IRX6: variants seen among roughly 807,000 people sequenced by gnomAD.
The protein encoded by IRX6 is iroquois-class homeodomain protein IRX-6.
In IRX6, 46 loss-of-function variants were observed where a neutral mutation model predicts 47.7. That is an observed-to-expected ratio of 0.96 (90% confidence interval 0.76 to 1.23). The LOEUF is 1.23. Ranked by LOEUF, IRX6 falls within the 50% of genes most tolerant of loss-of-function variation. The pLI is 0.00. For missense variants in IRX6, 722 were observed against 588.0 expected (o/e 1.23, Z -2.36); for synonymous variants, 265 against 246.2 (o/e 1.08, Z -0.72).
chr16:55,328,761 A>AGAC lies in IRX6; in HGVS notation c.785_786insCGA (p.Glu261_Glu262insAsp), dbSNP rs1555484312. The AGAC allele has an allele frequency of 1.2e-6, 2 of 1,607,992 alleles. No homozygotes were observed. The highest frequency in any genetic ancestry group is 2.7e-5 in the African/African-American group (2 of 74,796). ...TGAGTGACCTGGAAGACCTGGAGGAAGAGGAGGAGGAGGAGGAGGAAGCTG... is the reference window on the plus strand; with the variant it reads ...TGAGTGACCTGGAAGACCTGGAGGAAGACGAGGAGGAGGAGGAGGAGGAAGCTG... On this transcript the variant is annotated inframe_insertion, in exon 5 of 6. Transcript: ENST00000290552.
Position 55,328,694 on chromosome 16 carries a change from C to T in IRX6, c.722-6C>T. 1 of 1,612,236 alleles carries T rather than the reference C, an allele frequency of 6.2e-7. No individual in the cohort carries two copies. The highest frequency in any genetic ancestry group is 8.5e-7 in the Non-Finnish European group (1 of 1,179,438). On this transcript the variant is annotated splice_polypyrimidine_tract_variant and splice_region_variant and intron_variant, in intron 4 of 5. Coordinates refer to ENST00000290552, the MANE Select transcript of IRX6 (RefSeq NM_024335.3). ...GCTTTTCTCACTCGCTCTTGATTTC[C>T]TGCAGAAGTTACTGCTAGCCAGGAG...
In IRX6 at chr16:55,326,293, G is replaced by GT. The variant is rs760820783; in HGVS notation, c.46-43_46-42insT. ...AGCGGGAGCGGGGGCGGGGGTGGGG[G>GT]GGGGGTCTCTGACCTCCAGTGCCCT... On this transcript the variant is annotated intron_variant, in intron 1 of 5. Coordinates refer to ENST00000290552, the MANE Select transcript of IRX6 (RefSeq NM_024335.3). The GT allele has an allele frequency of 1.5e-3, 2,081 of 1,434,598 alleles. 23 individuals carry two copies. The African/African-American group carries it at 0.027, about 19-fold the overall frequency. The allele number at this position is 1,434,598 out of a possible 1,614,324, so 88.9% of individuals were successfully genotyped here. A position where few individuals can be genotyped will look rare whatever the true frequency, so the allele number is the denominator to read the frequency against.
chr16:55,329,151 A>T lies in IRX6; in HGVS notation c.1173A>T (p.Arg391=). ...IPGQPPASAR[R]LSVPRDSACD... is the part of the protein sequence containing the mutation. ...GACAGCCTCCTGCCTCTGCCCGGCG[A>T]CTCTCAGTCCCCAGAGACTCCGCGT... The change falls in exon 5 of 6, where the codon CGA becomes CGT. Residue 391 remains arginine (R), a synonymous_variant. Coordinates refer to ENST00000290552, the MANE Select transcript of IRX6 (RefSeq NM_024335.3). 1 of 1,613,098 alleles carries T rather than the reference A, an allele frequency of 6.2e-7. No homozygotes were observed.
intron 1 of IRX6, 48 bp from the exon 2 acceptor site, chr16:55,326,288 T>TGGG (rs767987070): frequency 3.3e-5 from 31 of 950,338 alleles, no homozygotes; most frequent in Middle Eastern, 7.1e-4. Context: ...GGGGCGGGGG[T>TGGG]GGGGGGGGGG....
chr16:55,329,339 T>G, intron 5 of IRX6, 28 bp downstream of exon 5: 1 of 1,572,438 alleles, frequency 6.4e-7, no homozygotes, highest in Non-Finnish European at 8.6e-7. Context: ...GCGCTGGGAG[T>G]ATCTATGCAA....
intron 1 of IRX6, 82 bp downstream of exon 1, chr16:55,325,218 T>A (rs1960489240): frequency 1.5e-6 from 2 of 1,328,610 alleles, no homozygotes; most frequent in African/African-American, 2.9e-5. Context: ...CTGATCATCC[T>A]CCTCTTGTGT....
rs1393516707 is a variant in IRX6 at position 55,329,086 on chromosome 16, C to G, written c.1108C>G (p.Arg370Gly). ...ASAVEGAPPA[R>G]PRPRSPECRM... is the part of the protein sequence containing the mutation. ...CGCTGTTGAAGGTGCACCCCCAGCC[C>G]GGCCTAGGCCACGAAGTCCTGAGTG... Residue 370 changes from arginine to glycine, a missense_variant, in exon 5 of 6, where the codon CGG (arginine) becomes GGG (glycine). Arg to Gly is a moderately radical substitution (Grantham distance 125, BLOSUM62 -2). Transcript: ENST00000290552. 1 of 1,613,980 alleles carries G rather than the reference C, an allele frequency of 6.2e-7. No homozygotes were observed. Among genetic ancestry groups the G allele is most frequent in the Non-Finnish European group, 8.5e-7 (1 of 1,180,050 alleles).
chr16:55,325,668 G>A (rs1481492083), intron 1 of IRX6: 1 of 153,222 alleles, frequency 6.5e-6, no homozygotes, highest in African/African-American at 2.4e-5. Context: ...TTGTTGATTT[G>A]TTGACCTCGG....
At chr16:55,327,485 G>C (rs1960552693) in intron 3 of IRX6, 80 bp downstream of exon 3, 2 of 1,565,922 alleles carry the variant, frequency 1.3e-6, no homozygotes, top group East Asian at 4.5e-5. Flanking sequence ...TGGCGGCAGG[G>C]GAGAGGGAGG....
chr16:55,329,004 C>A lies in IRX6; in HGVS notation c.1026C>A (p.His342Gln), dbSNP rs374333548. Residue 342 changes from histidine (H) to glutamine (Q), a missense_variant, in exon 5 of 6, where the codon CAC (histidine) becomes CAA (glutamine). Physicochemically the swap from His to Gln is conservative, Grantham distance 24. Coordinates refer to ENST00000290552, the MANE Select transcript of IRX6 (RefSeq NM_024335.3). Reference protein sequence around the residue: ...AETGSPRLTMHYPCLEKPRIW... With the variant: ...AETGSPRLTMQYPCLEKPRIW... ...CAGGCAGCCCTAGGTTGACCATGCA[C>A]TACCCATGCTTGGAGAAACCGCGCA... is the stretch of plus-strand genomic sequence containing the variant. The A allele has an allele frequency of 3.1e-6, 5 of 1,613,728 alleles. No individual in the cohort carries two copies. The African/African-American group carries it at 6.7e-5, about 22-fold the overall frequency.
intron 1 of IRX6, chr16:55,325,985 C>T (rs1357718682): frequency 1.5e-5 from 4 of 261,294 alleles, no homozygotes; most frequent in Non-Finnish European, 2.2e-5. Context: ...CTTCTAGCTC[C>T]GCCTTTGCAG....
chr16:55,327,631 G>T lies in IRX6; in HGVS notation c.459G>T (p.Ala153=). The T allele has an allele frequency of 1.2e-6, 2 of 1,611,138 alleles. No individual in the cohort carries two copies. Among genetic ancestry groups the T allele is most frequent in the Non-Finnish European group, 1.7e-6 (2 of 1,179,338 alleles). Residue 153 remains alanine (A), a synonymous_variant, in exon 4 of 6, where the codon GCG becomes GCT. Transcript: ENST00000290552. ...GTGGCGCCGGTCGCCGAAAGAACGCGACCCGGGAGACCACCAGTACACTCA... is the reference window on the plus strand; with the variant it reads ...GTGGCGCCGGTCGCCGAAAGAACGCTACCCGGGAGACCACCAGTACACTCA... The part of the protein sequence containing the change: ...ELSGAGRRKN[A]TRETTSTLKA...
At chr16:55,325,530 G>GGAAGGAAGTAAGGAGAGA (rs1491427085) in intron 1 of IRX6, among the ~76,000 whole-genome samples, 1 of 9,082 alleles carries the variant, frequency 1.1e-4, no homozygotes, top group African/African-American at 7.7e-4. Context: ...AAGGAAGGAA[G>GGAAGGAAGTAAGGAGAGA]GAGAGAGAGA....
Position 55,327,301 on chromosome 16 carries a change from A to T in IRX6, c.309A>T (p.Pro103=), listed in dbSNP as rs1191624195. 12 of 1,611,796 alleles carry T rather than the reference A, an allele frequency of 7.4e-6. No homozygotes were observed. The highest frequency in any genetic ancestry group is 2.7e-5 in the African/African-American group (2 of 74,828). ...CTCTTTTCCTCTCCCTCTAGAATCC[A>T]CAGTATGAATTTAAGGAGGCTGCAG... ...EPPSLYGALN[P]QYEFKEAAGS... Residue 103 remains proline, a synonymous_variant, in exon 3 of 6, where the codon CCA becomes CCT. Transcript: ENST00000290552.
chr16:55,328,944 C>G lies in IRX6; in HGVS notation c.966C>G (p.Ser322=). ...AAPRFSFNDP[S]GSEEADFLSA... ...CCCGCTTCTCCTTCAATGACCCTTC[C>G]GGATCGGAAGAAGCTGACTTCCTCT... The change falls in exon 5 of 6, where the codon TCC becomes TCG. Residue 322 remains serine, a synonymous_variant. Coordinates refer to ENST00000290552, the MANE Select transcript of IRX6 (RefSeq NM_024335.3). The G allele has an allele frequency of 6.2e-7, 1 of 1,613,544 alleles. No individual in the cohort carries two copies. Among genetic ancestry groups the G allele is most frequent in the Non-Finnish European group, 8.5e-7 (1 of 1,180,032 alleles).
rs1326030873 is a variant in IRX6 at position 55,326,404 on chromosome 16, A to G, written c.114A>G (p.Ala38=). The part of the protein sequence containing the change: ...ESTQRSVSDV[A]SGSTPAPALC... ...CCCAACGCTCTGTCTCAGATGTGGC[A>G]TCAGGCTCCACCCCAGCGCCCGCTC... The change falls in exon 2 of 6, where the codon GCA becomes GCG. Residue 38 remains alanine, a synonymous_variant. Transcript: ENST00000290552. 1.9e-6 allele frequency: 3 copies of G among 1,614,058 alleles called. No individual in the cohort carries two copies. The highest frequency in any genetic ancestry group is 2.5e-6 in the Non-Finnish European group (3 of 1,180,030).
Position 55,325,080 on chromosome 16 carries a change from G to C in IRX6, c.-12G>C, listed in dbSNP as rs1960485251. 6.2e-7 allele frequency: 1 copy of C among 1,613,838 alleles called. No homozygotes were observed. The highest frequency in any genetic ancestry group is 1.3e-5 in the African/African-American group (1 of 74,922). ...CGACAGGGAAGAGAGAGACGGGCCA[G>C]GGACAGCCACCATGTCCTTCCCACA... On this transcript the variant is annotated 5_prime_UTR_variant, in exon 1 of 6. Transcript: ENST00000290552.
Position 55,326,297 on chromosome 16 carries a change from G to T in IRX6, c.46-39G>T, listed in dbSNP as rs749765153. The T allele has an allele frequency of 1.4e-5, 20 of 1,409,278 alleles. No homozygotes were observed. In the African/African-American group the frequency reaches 2.6e-4, roughly 19 times the overall value. 87.3% of individuals were successfully genotyped at this position (1,409,278 alleles called of 1,614,324 possible). On this transcript the variant is annotated intron_variant, in intron 1 of 5. Coordinates refer to ENST00000290552, the MANE Select transcript of IRX6 (RefSeq NM_024335.3). ...GGAGCGGGGGCGGGGGTGGGGGGGG[G>T]GTCTCTGACCTCCAGTGCCCTCTTT... is the stretch of plus-strand genomic sequence containing the variant.
At chr16:55,328,290 T>A (rs1041824134) in intron 4 of IRX6, among the ~76,000 whole-genome samples, 2 of 152,130 alleles carry the variant, frequency 1.3e-5, no homozygotes, top group African/African-American at 4.8e-5. Context: ...ACACACCTAA[T>A]ACCTAAATGA....
Sources: allele counts gnomAD v4.1 joint callset (sites outside exome capture counted in the v4.1 genomes callset), GRCh38; gene constraint gnomAD v4.1.1; transcripts MANE v1.5; gene names NCBI Gene and HGNC (gene_info 2026-07-23, HGNC 2026-07-21).